TFEB: variants seen among roughly 807,000 people sequenced by gnomAD.
TFEB encodes the protein T-cell transcription factor EB.
Under a neutral mutation model 48.0 loss-of-function variants are expected in TFEB, and 12 were observed. The ratio of observed to expected loss-of-function variants is 0.25; its 90% confidence interval spans 0.16 to 0.40. TFEB has a LOEUF of 0.40. Among genes scored for constraint, TFEB ranks in the 10% least tolerant of loss-of-function variants. The pLI, the probability that TFEB is intolerant of heterozygous loss-of-function variation, is 1.00. For missense variants in TFEB, 509 were observed against 640.3 expected (o/e 0.79, Z 2.21); for synonymous variants, 244 against 261.4 (o/e 0.93, Z 0.64).
chr6:41,724,265 A>G lies in TFEB; in HGVS notation c.-23+11085T>C, dbSNP rs577883180. 1.3e-5 allele frequency among the ~76,000 whole-genome samples: 2 copies of G among 152,358 alleles called. No homozygotes were observed. Among genetic ancestry groups the G allele is most frequent in the South Asian group, 4.1e-4 (2 of 4,832 alleles). ...ACTTAGTGCTTCTTTCTGGTGGCCA[A>G]GGGATTCCCATCGTTGATAAGCAAA... On this transcript the variant is annotated intron_variant, in intron 1 of 8. Coordinates refer to ENST00000373033, the MANE Select transcript of TFEB (RefSeq NM_001271944.2). This position sits in a 1 kb window ranked among gnomAD's most constrained non-coding sequence, Gnocchi z 4.4.
chr6:41,698,676 C>T (rs888064488), intron 1 of TFEB, among the ~76,000 whole-genome samples: 6 of 152,162 alleles, frequency 3.9e-5, no homozygotes, highest in African/African-American at 1.2e-4. Flanking sequence ...GGGAGCTGCC[C>T]GGTCAGTCCT....
intron 1 of TFEB, among the ~76,000 whole-genome samples, chr6:41,710,226 G>C (rs1204645443): frequency 1.3e-5 from 2 of 152,198 alleles, no homozygotes; most frequent in Non-Finnish European, 2.9e-5. Context: ...AGGATGTATA[G>C]AGTTACATCA....
chr6:41,718,854 C>A (rs1000954394), intron 1 of TFEB, among the ~76,000 whole-genome samples: 1 of 152,126 alleles, frequency 6.6e-6, no homozygotes, highest in Non-Finnish European at 1.5e-5. Flanking sequence ...TTGGGACCTG[C>A]GGTTGGCTGC....
intron 4 of TFEB, among the ~76,000 whole-genome samples, chr6:41,689,075 A>G (rs574631588): frequency 6.6e-6 from 1 of 152,212 alleles, no homozygotes; most frequent in African/African-American, 2.4e-5. Flanking sequence ...GTGGGTAGAG[A>G]GCATCACCCC....
Position 41,697,408 on chromosome 6 carries a change from C to CAAAAAAAAAAAAAAAAAAAAAAAAA in TFEB, c.-22-6174_-22-6173insTTTTTTTTTTTTTTTTTTTTTTTTT, listed in dbSNP as rs56059829. ...GGGCAACAAGAGTGAAACTCCATCTCAAAAAAAAAAAAAAAAAAAGAATGA... is the reference window on the plus strand; with the variant it reads ...GGGCAACAAGAGTGAAACTCCATCTCAAAAAAAAAAAAAAAAAAAAAAAAAAAAAAAAAAAAAAAAAAAAGAATGA... On this transcript the variant is annotated intron_variant, in intron 1 of 8. Transcript: ENST00000373033. 3.6e-4 allele frequency among the ~76,000 whole-genome samples: 23 copies of CAAAAAAAAAAAAAAAAAAAAAAAAA among 63,496 alleles called. 1 individual carries two copies. The highest frequency in any genetic ancestry group is 1.8e-3 in the African/African-American group (21 of 11,530). The allele number at this position is 63,496 out of a possible 152,430, so 41.7% of individuals were successfully genotyped here.
intron 1 of TFEB, among the ~76,000 whole-genome samples, chr6:41,719,764 A>C (rs2127262771): frequency 6.6e-6 from 1 of 152,332 alleles, no homozygotes; most frequent in East Asian, 1.9e-4. Context: ...TCACTGTTTG[A>C]GGACCCACAG....
chr6:41,714,147 GTGCATGTGCA>G (rs1770617573), intron 1 of TFEB, among the ~76,000 whole-genome samples: 1 of 149,472 alleles, frequency 6.7e-6, no homozygotes, highest in South Asian at 2.1e-4. Flanking sequence ...GTGCGTGTGT[GTGCATGTGCA>G]TGCGTGTGCA....
chr6:41,692,916 C>T (rs1367602807), intron 1 of TFEB, among the ~76,000 whole-genome samples: 1 of 152,228 alleles, frequency 6.6e-6, no homozygotes, highest in African/African-American at 2.4e-5. Flanking sequence ...TCTGCCACTT[C>T]TTTGCTGTGT....
chr6:41,701,040 A>G (rs751484836), intron 1 of TFEB, among the ~76,000 whole-genome samples: 19 of 152,250 alleles, frequency 1.2e-4, no homozygotes, highest in Non-Finnish European at 2.8e-4. Flanking sequence ...CTAGAAAAGG[A>G]TTCCACCCCT....
Position 41,684,343 on chromosome 6 carries a change from C to G in TFEB, c.*256G>C. 5.0e-6 allele frequency: 2 copies of G among 398,776 alleles called. No homozygotes were observed. Among genetic ancestry groups the G allele is most frequent in the Non-Finnish European group, 8.8e-6 (2 of 226,818 alleles). The allele number at this position is 398,776 out of a possible 1,614,324, so 24.7% of individuals were successfully genotyped here. A position where few individuals can be genotyped will look rare whatever the true frequency, so the allele number is the denominator to read the frequency against. ...TAGAACACCCTGCCCCTCCCTGCCC[C>G]GCGATTCCATCTCCGGGAGAGGGGC... On this transcript the variant is annotated 3_prime_UTR_variant, in exon 9 of 9. Transcript: ENST00000373033.
intron 1 of TFEB, among the ~76,000 whole-genome samples, chr6:41,699,470 A>AG (rs1393337866): frequency 6.6e-6 from 1 of 152,222 alleles, no homozygotes; most frequent in Admixed American, 6.5e-5. Context: ...GGAAGGCCTC[A>AG]GGCCAGCTTT....
At position 41,734,345 on chromosome 6, in the gene TFEB, T is replaced by C; in HGVS notation, c.-23+1005A>G. The C allele has an allele frequency of 1.0e-6, 1 of 984,366 alleles. No homozygotes were observed. Among genetic ancestry groups the C allele is most frequent in the Non-Finnish European group, 1.2e-6 (1 of 829,532 alleles). 61.0% of individuals were successfully genotyped at this position (984,366 alleles called of 1,614,324 possible). On this transcript the variant is annotated intron_variant, in intron 1 of 8. Transcript: ENST00000373033. The surrounding 1 kb of genome is among the most constrained non-coding windows in gnomAD (Gnocchi z 4.0). ...GCGGGGCTGGGGCGCGCCAGGCGGC[T>C]GCGGCGCGAACCTGCTCGCGCAGCC... is the stretch of plus-strand genomic sequence containing the variant.
At chr6:41,710,928 C>A (rs1298023503) in intron 1 of TFEB, among the ~76,000 whole-genome samples, 4 of 152,222 alleles carry the variant, frequency 2.6e-5, no homozygotes, top group Non-Finnish European at 4.4e-5. Flanking sequence ...CTGTTCCAAG[C>A]CTGGTTCTGT....
chr6:41,734,767 G>T lies in TFEB; in HGVS notation c.-23+583C>A. The T allele has an allele frequency of 1.8e-6, 1 of 560,612 alleles. No homozygotes were observed. The highest frequency in any genetic ancestry group is 2.3e-6 in the Non-Finnish European group (1 of 441,280). The allele number at this position is 560,612 out of a possible 1,614,324, so 34.7% of individuals were successfully genotyped here. A position where few individuals can be genotyped will look rare whatever the true frequency, so the allele number is the denominator to read the frequency against. On this transcript the variant is annotated intron_variant, in intron 1 of 8. Coordinates refer to ENST00000373033, the MANE Select transcript of TFEB (RefSeq NM_001271944.2). This position sits in a 1 kb window ranked among gnomAD's most constrained non-coding sequence, Gnocchi z 4.0. The stretch of plus-strand genomic sequence containing the variant: ...TTCAAGAGACCGAGCTGGAGGAAGG[G>T]ACGGGAAGGGAGGGAGAGATGGTAC...
At chr6:41,690,074 G>A (rs1434323815) in intron 3 of TFEB, among the ~76,000 whole-genome samples, 1 of 152,088 alleles carries the variant, frequency 6.6e-6, no homozygotes, top group South Asian at 2.1e-4. Context: ...TGGGGAGTGT[G>A]CTGGGCTTTC....
At chr6:41,719,894 G>A (rs1222736460) in intron 1 of TFEB, among the ~76,000 whole-genome samples, 1 of 151,890 alleles carries the variant, frequency 6.6e-6, no homozygotes, top group East Asian at 1.9e-4. Context: ...AACCTCTCTG[G>A]GCCTCAGCTT....
At position 41,723,442 on chromosome 6, in the gene TFEB, C is replaced by T; in HGVS notation, c.-23+11908G>A. 1 of 1,254,506 alleles carries T rather than the reference C, an allele frequency of 8.0e-7. No individual in the cohort carries two copies. The highest frequency in any genetic ancestry group is 1.0e-6 in the Non-Finnish European group (1 of 957,738). The allele number at this position is 1,254,506 out of a possible 1,614,324, so 77.7% of individuals were successfully genotyped here. ...ACACATGCACACACTCACACACATGCACGCGTGTGCTCTCATACCTTCGAG... is the reference window on the plus strand; with the variant it reads ...ACACATGCACACACTCACACACATGTACGCGTGTGCTCTCATACCTTCGAG... On this transcript the variant is annotated intron_variant, in intron 1 of 8. Coordinates refer to ENST00000373033, the MANE Select transcript of TFEB (RefSeq NM_001271944.2). This position sits in a 1 kb window ranked among gnomAD's most constrained non-coding sequence, Gnocchi z 6.0.
intron 5 of TFEB, 38 bp downstream of exon 5, chr6:41,687,870 C>G (rs200329864): frequency 6.2e-7 from 1 of 1,609,016 alleles, no homozygotes; most frequent in East Asian, 2.2e-5. Flanking sequence ...AGGGAGGAGT[C>G]GGGTATTCAA....
At chr6:41,713,826 CAGAT>C (rs1262029720) in intron 1 of TFEB, among the ~76,000 whole-genome samples, 2 of 152,200 alleles carry the variant, frequency 1.3e-5, no homozygotes, top group Non-Finnish European at 1.5e-5. Context: ...CATAACGACA[CAGAT>C]AGGCGTCCTG....
Sources: allele counts gnomAD v4.1 joint callset (sites outside exome capture counted in the v4.1 genomes callset), GRCh38; gene constraint gnomAD v4.1.1; non-coding constraint Gnocchi (gnomAD v3.1); transcripts MANE v1.5; gene names NCBI Gene and HGNC (gene_info 2026-07-23, HGNC 2026-07-21).